The following VPS45 variants were observed in gnomAD, a reference collection of about 807,000 sequenced individuals.
The protein encoded by VPS45 is vacuolar protein sorting-associated protein 45.
VPS45 carries 35 observed loss-of-function variants against 75.9 expected under a neutral mutation model. That is an observed-to-expected ratio of 0.46 (90% CI 0.35 to 0.61). The LOEUF is 0.61. Ranked by LOEUF, VPS45 falls within the 20% of genes least tolerant of loss-of-function variation. VPS45 has a pLI of 0.00. For synonymous variants in VPS45, 220 were observed against 238.2 expected (o/e 0.92, Z 0.70); for missense variants, 559 against 685.9 (o/e 0.81, Z 2.07).
chr1:150,139,741 G>C (rs917700486), intron 14 of VPS45, among the ~76,000 whole-genome samples: 1 of 152,102 alleles, frequency 6.6e-6, no homozygotes, highest in African/African-American at 2.4e-5. Context: ...TTTTTGTAGA[G>C]GGTCTTGCTA....
At chr1:150,093,691 A>C in intron 13 of VPS45, 43 bp downstream of exon 13, 1 of 1,585,064 alleles carries the variant, frequency 6.3e-7, no homozygotes, top group Non-Finnish European at 8.6e-7. Flanking sequence ...AGAAATACTG[A>C]ACAAACAGAA....
chr1:150,137,589 C>T (rs1553814100), intron 14 of VPS45, among the ~76,000 whole-genome samples: 1 of 152,118 alleles, frequency 6.6e-6, no homozygotes, highest in East Asian at 1.9e-4. Flanking sequence ...ATCATTTTTT[C>T]CCACCTGTTG....
At chr1:150,080,306 G>A (rs782307973) in intron 7 of VPS45, among the ~76,000 whole-genome samples, 3 of 151,988 alleles carry the variant, frequency 2.0e-5, no homozygotes, top group African/African-American at 7.2e-5. Flanking sequence ...CACCATGCTC[G>A]GCTAGTTTTG....
intron 14 of VPS45, among the ~76,000 whole-genome samples, chr1:150,114,579 T>TAAAA (rs369781675): frequency 7.9e-5 from 11 of 139,924 alleles, no homozygotes; most frequent in South Asian, 6.7e-4. Flanking sequence ...ACTCTGTTTC[T>TAAAA]AAAAAAAAAA....
chr1:150,104,104 T>C (rs1021951882), intron 13 of VPS45, among the ~76,000 whole-genome samples: 7 of 152,220 alleles, frequency 4.6e-5, no homozygotes, highest in African/African-American at 1.7e-4. Flanking sequence ...CCGAACACTT[T>C]AACTGCCTCT....
At chr1:150,075,157 T>TTA (rs1232475591) in intron 3 of VPS45, among the ~76,000 whole-genome samples, 9 of 148,190 alleles carry the variant, frequency 6.1e-5, no homozygotes, top group Non-Finnish European at 1.0e-4. Context: ...TTTTTTTTTT[T>TTA]ACAGTTTTTT....
At chr1:150,127,933 T>C (rs1442536859) in intron 14 of VPS45, among the ~76,000 whole-genome samples, 1 of 152,232 alleles carries the variant, frequency 6.6e-6, no homozygotes, top group African/African-American at 2.4e-5. Flanking sequence ...GATCATTTAC[T>C]TTTATTTTAA....
intron 10 of VPS45, among the ~76,000 whole-genome samples, chr1:150,083,528 G>T (rs143202319): frequency 1.4e-4 from 21 of 151,934 alleles, no homozygotes; most frequent in African/African-American, 4.6e-4. Context: ...ACAGAGGAAG[G>T]ACAACTGTTT....
At chr1:150,099,055 A>G (rs1296704153) in intron 13 of VPS45, 1 of 1,103,702 alleles carries the variant, frequency 9.1e-7, no homozygotes, top group Non-Finnish European at 1.1e-6. Flanking sequence ...TTCCTGCAGT[A>G]AATGCTCATA....
At chr1:150,143,542 T>G (rs1436882244) in intron 14 of VPS45, among the ~76,000 whole-genome samples, 2 of 150,954 alleles carry the variant, frequency 1.3e-5, no homozygotes, top group East Asian at 3.9e-4. Context: ...GAGCTGAGAT[T>G]GTGCCATTGC....
Position 150,091,930 on chromosome 1 carries a change from T to G in VPS45, c.1105-7T>G, listed in dbSNP as rs782231074. ...GGGGGATAAATATAAGTTCTATCTTTCTTCAGAATATAAAAAGGCTTCTGC... is the reference window on the plus strand; with the variant it reads ...GGGGGATAAATATAAGTTCTATCTTGCTTCAGAATATAAAAAGGCTTCTGC... On this transcript the variant is annotated splice_region_variant and splice_polypyrimidine_tract_variant and intron_variant, in intron 10 of 14. Coordinates refer to ENST00000644510, the MANE Select transcript of VPS45 (RefSeq NM_007259.5). 8.1e-6 allele frequency: 13 copies of G among 1,610,946 alleles called. No homozygotes were observed. The highest frequency in any genetic ancestry group is 8.5e-6 in the Non-Finnish European group (10 of 1,179,028).
chr1:150,068,412 A>G, intron 1 of VPS45: 1 of 421,532 alleles, frequency 2.4e-6, no homozygotes, highest in Non-Finnish European at 4.1e-6. Flanking sequence ...CAAAGAGACC[A>G]TGTTTTTTGT....
intron 10 of VPS45, among the ~76,000 whole-genome samples, chr1:150,087,813 G>A (rs1310057491): frequency 3.3e-5 from 5 of 152,114 alleles, no homozygotes; most frequent in Admixed American, 2.6e-4. Flanking sequence ...TCAAAAGTAG[G>A]CAAAATAATT....
chr1:150,124,673 C>T (rs1658413062), intron 14 of VPS45, among the ~76,000 whole-genome samples: 1 of 150,704 alleles, frequency 6.6e-6, no homozygotes, highest in Non-Finnish European at 1.5e-5. Flanking sequence ...CCTCAGCCTC[C>T]CAAGTAGCTG....
chr1:150,140,575 G>A (rs1659344100), intron 14 of VPS45, among the ~76,000 whole-genome samples: 1 of 151,174 alleles, frequency 6.6e-6, no homozygotes, highest in Non-Finnish European at 1.5e-5. Flanking sequence ...CATGAGAGCA[G>A]AGGGGTTTTT....
chr1:150,111,387 A>G (rs1432833072), intron 14 of VPS45, among the ~76,000 whole-genome samples: 1 of 152,244 alleles, frequency 6.6e-6, no homozygotes, highest in Non-Finnish European at 1.5e-5. Flanking sequence ...ACTAGCTGGA[A>G]TGTGTGTAAT....
chr1:150,136,900 ATTTG>A (rs1553813879), intron 14 of VPS45, among the ~76,000 whole-genome samples: 1 of 151,664 alleles, frequency 6.6e-6, no homozygotes, highest in Non-Finnish European at 1.5e-5. Flanking sequence ...CCAGATGTAG[ATTTG>A]TTTGTTTGTT....
At chr1:150,082,057 C>CAA in intron 9 of VPS45, 60 bp downstream of exon 9, 1 of 1,106,580 alleles carries the variant, frequency 9.0e-7, no homozygotes, top group South Asian at 1.4e-5. Context: ...TTCATGTAAG[C>CAA]AACACTTTTG....
intron 12 of VPS45, 160 bp downstream of exon 12, chr1:150,092,569 T>C: frequency 1.9e-6 from 1 of 527,910 alleles, no homozygotes; most frequent in East Asian, 3.1e-5. Flanking sequence ...GAAAGCTTTT[T>C]CTTTTAGTGC....
Sources: allele counts gnomAD v4.1 joint callset (sites outside exome capture counted in the v4.1 genomes callset), GRCh38; gene constraint gnomAD v4.1.1; transcripts MANE v1.5; gene names NCBI Gene and HGNC (gene_info 2026-07-23, HGNC 2026-07-21).